CLEC16A: variants seen among roughly 807,000 people sequenced by gnomAD.
CLEC16A encodes the protein C-type lectin domain containing 16A.
A neutral mutation model predicts 109.5 loss-of-function variants in CLEC16A; 51 were observed. The observed-to-expected ratio is 0.47, with a 90% confidence interval of 0.37 to 0.59. The LOEUF (loss-of-function observed/expected upper bound fraction) is 0.59. Among genes scored for constraint, CLEC16A ranks in the 20% least tolerant of loss-of-function variants. CLEC16A has a pLI of 0.00. For synonymous variants in CLEC16A, 673 were observed against 564.2 expected, an observed-to-expected ratio of 1.19 and a Z score of -2.73; for missense variants, 1,339 against 1,394.0, an observed-to-expected ratio of 0.96 and a Z score of 0.63.
At chr16:11,040,462 G>GCTTGTATTAT (rs2047264625) in intron 14 of CLEC16A, 1 of 151,234 alleles carries the variant, frequency 6.6e-6, no homozygotes, top group Non-Finnish European at 1.5e-5. Context: ...CATCCCTGGG[G>GCTTGTATTAT]CTTGTATTAT....
Position 10,961,308 on chromosome 16 carries a change from G to A in CLEC16A, c.210-1147G>A, listed in dbSNP as rs1294367089. On this transcript the variant is annotated intron_variant, in intron 2 of 23. Coordinates refer to ENST00000409790, the MANE Select transcript of CLEC16A (RefSeq NM_015226.3). This position sits in a 1 kb window ranked among gnomAD's most constrained non-coding sequence, Gnocchi z 4.3. ...GCCATTTAAATTTTTTCATTTATCCGTTCATGGATTCAGACAGAATCAGGC... is the reference window on the plus strand; with the variant it reads ...GCCATTTAAATTTTTTCATTTATCCATTCATGGATTCAGACAGAATCAGGC... Among the ~76,000 whole-genome samples, 5 of 152,104 alleles carry A rather than the reference G, an allele frequency of 3.3e-5. No individual in the cohort carries two copies. The highest frequency in any genetic ancestry group is 6.5e-5 in the Admixed American group (1 of 15,276).
intron 22 of CLEC16A, among the ~76,000 whole-genome samples, chr16:11,129,846 T>C (rs909641892): frequency 1.3e-5 from 2 of 150,306 alleles, no homozygotes; most frequent in Admixed American, 1.3e-4. Flanking sequence ...CACTGCAAGC[T>C]CCGCCTCCCG....
chr16:10,987,133 G>A (rs1335389954), intron 10 of CLEC16A, among the ~76,000 whole-genome samples: 1 of 151,934 alleles, frequency 6.6e-6, no homozygotes, highest in Non-Finnish European at 1.5e-5. Context: ...TGGGATTACA[G>A]GTGTGAGCCA....
chr16:11,051,541 T>A lies in CLEC16A; in HGVS notation c.1895T>A (p.Met632Lys). 6.2e-7 allele frequency: 1 copy of A among 1,614,004 alleles called. No individual in the cohort carries two copies. The highest frequency in any genetic ancestry group is 1.1e-5 in the South Asian group (1 of 91,086). Residue 632 changes from methionine to lysine, a missense_variant, in exon 18 of 24, where the codon ATG becomes AAG. Coordinates refer to ENST00000409790, the MANE Select transcript of CLEC16A (RefSeq NM_015226.3). ...AAGCCCATGAACGTGGAATATCTCATGATGGACGCCTCCATCCTGCTGCCC... is the reference window on the plus strand; with the variant it reads ...AAGCCCATGAACGTGGAATATCTCAAGATGGACGCCTCCATCCTGCTGCCC... ...TMKPMNVEYL[M>K]MDASILLPPT...
At chr16:10,980,888 T>G (rs1240627325) in intron 9 of CLEC16A, among the ~76,000 whole-genome samples, 1 of 152,204 alleles carries the variant, frequency 6.6e-6, no homozygotes, top group Non-Finnish European at 1.5e-5. Flanking sequence ...ATTGCATACT[T>G]GCAAATTATT....
At chr16:11,169,848 C>G (rs575866321) in intron 23 of CLEC16A, among the ~76,000 whole-genome samples, 1 of 152,176 alleles carries the variant, frequency 6.6e-6, no homozygotes, top group African/African-American at 2.4e-5. Context: ...TGCTGTGTGG[C>G]GTCCCAGTAG....
chr16:11,054,664 G>A (rs1176376721), intron 18 of CLEC16A, among the ~76,000 whole-genome samples: 2 of 152,230 alleles, frequency 1.3e-5, no homozygotes, highest in African/African-American at 4.8e-5. Context: ...AGCTTCCTTT[G>A]TGACTTTAAT....
intron 10 of CLEC16A, among the ~76,000 whole-genome samples, chr16:10,986,879 A>G (rs183580679): frequency 4.0e-5 from 6 of 151,464 alleles, no homozygotes; most frequent in African/African-American, 9.7e-5. Flanking sequence ...TTTTTGACAG[A>G]GTCTGGCTCT....
chr16:11,173,391 C>T (rs2068607376), intron 23 of CLEC16A, among the ~76,000 whole-genome samples: 1 of 152,160 alleles, frequency 6.6e-6, no homozygotes, highest in South Asian at 2.1e-4. Flanking sequence ...TGGTTTCTCC[C>T]TTCGCAGTGA....
intron 19 of CLEC16A, among the ~76,000 whole-genome samples, chr16:11,088,840 T>C (rs1251749446): frequency 1.3e-5 from 2 of 152,194 alleles, no homozygotes; most frequent in African/African-American, 2.4e-5. Context: ...GAGTTAGTAA[T>C]TTCGGGTTTT....
At chr16:11,047,249 A>C (rs774973035) in intron 16 of CLEC16A, 43 bp from the exon 17 acceptor site, 9 of 1,553,310 alleles carry the variant, frequency 5.8e-6, no homozygotes, top group South Asian at 2.3e-5. Flanking sequence ...TTATGGAAAA[A>C]AATATGAATA....
intron 18 of CLEC16A, among the ~76,000 whole-genome samples, chr16:11,054,923 G>A (rs994100790): frequency 2.1e-5 from 3 of 146,096 alleles, no homozygotes; most frequent in Non-Finnish European, 4.5e-5. Flanking sequence ...GGATTCAAAG[G>A]TTTTCTTTCT....
intron 19 of CLEC16A, among the ~76,000 whole-genome samples, chr16:11,085,972 C>G (rs1411262572): frequency 6.6e-6 from 1 of 152,194 alleles, no homozygotes; most frequent in Non-Finnish European, 1.5e-5. Context: ...ACTTGGAGGC[C>G]TCTCGGGTCT....
intron 12 of CLEC16A, among the ~76,000 whole-genome samples, chr16:11,023,994 A>T (rs181757318): frequency 6.6e-6 from 1 of 152,270 alleles, no homozygotes; most frequent in African/African-American, 2.4e-5. Context: ...GCCATTTCCG[A>T]TTTTTGCAGC....
chr16:10,946,219 T>C (rs942408668), intron 1 of CLEC16A, among the ~76,000 whole-genome samples: 7 of 151,858 alleles, frequency 4.6e-5, no homozygotes, highest in Admixed American at 1.3e-4. Context: ...GGGTTAGGGA[T>C]ATGGTGGGAA....
At chr16:11,035,752 C>T (rs985091764) in intron 13 of CLEC16A, among the ~76,000 whole-genome samples, 15 of 152,252 alleles carry the variant, frequency 9.9e-5, no homozygotes, top group Admixed American at 7.8e-4. Flanking sequence ...GCAGAATCCT[C>T]TCCTCCTTCC....
At chr16:11,070,369 C>CA (rs1407981547) in intron 19 of CLEC16A, among the ~76,000 whole-genome samples, 1 of 142,578 alleles carries the variant, frequency 7.0e-6, no homozygotes, top group Non-Finnish European at 1.5e-5. Flanking sequence ...TGCACCCGGC[C>CA]TTTTTTTTTT....
At chr16:11,119,871 T>G (rs1461825710) in intron 19 of CLEC16A, among the ~76,000 whole-genome samples, 1 of 152,238 alleles carries the variant, frequency 6.6e-6, no homozygotes, top group African/African-American at 2.4e-5. Flanking sequence ...TCATTTCTTC[T>G]GATCCATGAG....
intron 18 of CLEC16A, among the ~76,000 whole-genome samples, chr16:11,059,937 G>A (rs1374011559): frequency 1.3e-5 from 2 of 152,200 alleles, no homozygotes; most frequent in African/African-American, 2.4e-5. Context: ...TGCACCCTCA[G>A]TCAGGCCCAG....
Sources: gnomAD v4.1 joint callset for allele counts (sites outside exome capture counted in the v4.1 genomes callset) on GRCh38, gnomAD v4.1.1 for gene constraint, Gnocchi (gnomAD v3.1) non-coding constraint, MANE v1.5 for transcripts, NCBI Gene and HGNC (gene_info 2026-07-23, HGNC 2026-07-21) for gene names.